Variants in TMTC2 observed in about 807,000 individuals in gnomAD.
The protein encoded by TMTC2 is protein O-mannosyl-transferase TMTC2.
Under a neutral mutation model 82.4 loss-of-function variants are expected in TMTC2, and 43 were observed. The ratio of observed to expected loss-of-function variants is 0.52; its 90% confidence interval spans 0.41 to 0.67. TMTC2 has a LOEUF of 0.67. Among genes scored for constraint, TMTC2 ranks in the 30% least tolerant of loss-of-function variants. TMTC2 has a pLI of 0.00. For synonymous variants in TMTC2, 408 were observed against 381.9 expected (o/e 1.07, Z -0.80); for missense variants, 919 against 1,012.4 (o/e 0.91, Z 1.25).
At chr12:83,095,902 C>T (rs1010413887) in intron 11 of TMTC2, among the ~76,000 whole-genome samples, 1 of 152,162 alleles carries the variant, frequency 6.6e-6, no homozygotes, top group Non-Finnish European at 1.5e-5. Flanking sequence ...AGTTTAAGCT[C>T]AGATGAGGAA....
At chr12:82,927,583 T>C (rs187943137) in intron 3 of TMTC2, among the ~76,000 whole-genome samples, 12 of 152,332 alleles carry the variant, frequency 7.9e-5, no homozygotes, top group Admixed American at 7.2e-4. Flanking sequence ...AAGAGTTCTA[T>C]TATGGATAAA....
intron 11 of TMTC2, among the ~76,000 whole-genome samples, chr12:83,094,601 C>T (rs1213808290): frequency 6.6e-6 from 1 of 152,146 alleles, no homozygotes; most frequent in Non-Finnish European, 1.5e-5. Flanking sequence ...AAGACCAATA[C>T]TACTTCAGTA....
At chr12:82,868,305 C>G (rs1042787489) in intron 2 of TMTC2, among the ~76,000 whole-genome samples, 25 of 152,150 alleles carry the variant, frequency 1.6e-4, no homozygotes, top group African/African-American at 5.5e-4. Context: ...AACTGTCAAT[C>G]AGCAAAGAAT....
intron 8 of TMTC2, among the ~76,000 whole-genome samples, chr12:83,028,252 T>C (rs1016098035): frequency 6.6e-5 from 10 of 152,182 alleles, no homozygotes; most frequent in African/African-American, 2.2e-4. Flanking sequence ...ACGTAGGTAG[T>C]ATAATAGTTA....
chr12:83,045,878 A>C (rs1384265384), intron 9 of TMTC2, among the ~76,000 whole-genome samples: 1 of 152,210 alleles, frequency 6.6e-6, no homozygotes, highest in African/African-American at 2.4e-5. Flanking sequence ...CCTGAAAGTG[A>C]TGCTCAGCAC....
intron 4 of TMTC2, among the ~76,000 whole-genome samples, chr12:82,957,298 C>T (rs1335650522): frequency 1.3e-5 from 2 of 151,928 alleles, no homozygotes; most frequent in African/African-American, 4.8e-5. Context: ...GGGTAAACAA[C>T]GAAATTAAAA....
At position 83,053,519 on chromosome 12, in the gene TMTC2, G is replaced by A. The variant is rs114129974; in HGVS notation, c.2267+2501G>A. Reference sequence around the variant, plus strand: ...TCTATAAATGGGGGGAGGGGGAGCGGGAGCTGCTCATTACAAATGTAGCAA... The same window carrying A: ...TCTATAAATGGGGGGAGGGGGAGCGAGAGCTGCTCATTACAAATGTAGCAA... On this transcript the variant is annotated intron_variant, in intron 10 of 11. Coordinates refer to ENST00000321196, the MANE Select transcript of TMTC2 (RefSeq NM_152588.3). Among the ~76,000 whole-genome samples, 441 of 152,052 alleles carry A rather than the reference G, an allele frequency of 2.9e-3. 2 individuals are homozygous for A. The highest frequency in any genetic ancestry group is 0.01 in the African/African-American group (417 of 41,474).
intron 4 of TMTC2, among the ~76,000 whole-genome samples, chr12:82,934,278 G>T (rs1050722658): frequency 9.2e-5 from 14 of 151,970 alleles, no homozygotes; most frequent in Admixed American, 9.2e-4. Flanking sequence ...TGTGCAAAAC[G>T]TGCAGGTTTG....
At chr12:82,748,562 A>G (rs1230938499) in intron 1 of TMTC2, among the ~76,000 whole-genome samples, 1 of 151,870 alleles carries the variant, frequency 6.6e-6, no homozygotes, top group African/African-American at 2.4e-5. Context: ...TCCCTAAGCA[A>G]ATGAACTGAG....
At position 83,107,015 on chromosome 12, in the gene TMTC2, G is replaced by A. The variant is rs145302784; in HGVS notation, c.2332-25195G>A. ...ATAAACCTTGTGTAATCTGATGACA[G>A]GGATAATGTTTTGTGTGGTTAATGT... On this transcript the variant is annotated intron_variant, in intron 11 of 11. Coordinates refer to ENST00000321196, the MANE Select transcript of TMTC2 (RefSeq NM_152588.3). 7.3e-4 allele frequency among the ~76,000 whole-genome samples: 111 copies of A among 152,302 alleles called. 1 individual carries two copies. In the East Asian group the frequency reaches 0.018, roughly 24 times the overall value.
At chr12:82,948,020 A>C (rs777398648) in intron 4 of TMTC2, among the ~76,000 whole-genome samples, 2 of 152,188 alleles carry the variant, frequency 1.3e-5, no homozygotes, top group Admixed American at 1.3e-4. Flanking sequence ...AGTTCAGTGA[A>C]GGGGGCCATT....
chr12:83,060,776 G>A (rs1298633146), intron 10 of TMTC2, among the ~76,000 whole-genome samples: 2 of 151,850 alleles, frequency 1.3e-5, no homozygotes, highest in South Asian at 2.1e-4. Flanking sequence ...ATTAAAGAAC[G>A]ACTGGCTGGA....
chr12:83,073,619 C>T (rs568862524), intron 11 of TMTC2, among the ~76,000 whole-genome samples: 2 of 152,158 alleles, frequency 1.3e-5, no homozygotes, highest in Admixed American at 6.5e-5. Flanking sequence ...ACCAATTATT[C>T]TTAAGTTTGG....
rs575290344 is a variant in TMTC2 at position 83,061,039 on chromosome 12, G to A, written c.2268-729G>A. 2.0e-5 allele frequency among the ~76,000 whole-genome samples: 3 copies of A among 151,878 alleles called. No individual in the cohort carries two copies. In the South Asian group the frequency reaches 6.2e-4, roughly 31 times the overall value. ...CGGCAGGAAACAAGGTAGCCTCAGT[G>A]GCCCAGAAGTGAGATATACAAAAGC... is the stretch of plus-strand genomic sequence containing the variant. On this transcript the variant is annotated intron_variant, in intron 10 of 11. Coordinates refer to ENST00000321196, the MANE Select transcript of TMTC2 (RefSeq NM_152588.3).
intron 4 of TMTC2, among the ~76,000 whole-genome samples, chr12:82,962,948 C>G (rs1480405971): frequency 6.6e-6 from 1 of 151,916 alleles, no homozygotes; most frequent in East Asian, 1.9e-4. Flanking sequence ...CCCAGGAGCC[C>G]AGGAAATACA....
chr12:82,708,541 A>C (rs1043832725), intron 1 of TMTC2, among the ~76,000 whole-genome samples: 8 of 152,208 alleles, frequency 5.3e-5, no homozygotes, highest in Admixed American at 5.2e-4. Flanking sequence ...AACTAATCCT[A>C]TCTGAGTGTG....
intron 11 of TMTC2, among the ~76,000 whole-genome samples, chr12:83,095,916 T>C (rs1388925939): frequency 1.3e-5 from 2 of 152,222 alleles, no homozygotes; most frequent in Non-Finnish European, 2.9e-5. Flanking sequence ...TGAGGAAGAC[T>C]GCTTCTAGAT....
chr12:82,867,266 C>G (rs1475608130), intron 2 of TMTC2, among the ~76,000 whole-genome samples: 1 of 152,150 alleles, frequency 6.6e-6, no homozygotes, highest in Non-Finnish European at 1.5e-5. Flanking sequence ...AGTTTCCGTT[C>G]CAAAGGACAA....
chr12:82,910,463 G>A (rs1256230813), intron 3 of TMTC2, among the ~76,000 whole-genome samples: 2 of 152,204 alleles, frequency 1.3e-5, no homozygotes, highest in Non-Finnish European at 2.9e-5. Context: ...GCATGTTACA[G>A]TATGCTCCTT....
Sources: allele counts gnomAD v4.1 joint callset (sites outside exome capture counted in the v4.1 genomes callset), GRCh38; gene constraint gnomAD v4.1.1; transcripts MANE v1.5; gene names NCBI Gene and HGNC (gene_info 2026-07-23, HGNC 2026-07-21).